The following RNF122 variants were observed in gnomAD, a reference collection of about 807,000 sequenced individuals.
RNF122 encodes the protein ring finger protein 122.
In RNF122, 17 loss-of-function variants were observed where a neutral mutation model predicts 24.2. That is an observed-to-expected ratio of 0.70 (90% CI 0.48 to 1.06). The LOEUF (loss-of-function observed/expected upper bound fraction) is 1.06, where lower values mean the gene tolerates loss of function less well. Among genes scored for constraint, RNF122 ranks in the 50% least tolerant of loss-of-function variants. RNF122 has a pLI of 0.00. For missense variants in RNF122, 168 were observed against 198.1 expected (o/e 0.85, Z 0.91); for synonymous variants, 65 against 71.8 (o/e 0.91, Z 0.48).
intron 2 of RNF122, among the ~76,000 whole-genome samples, chr8:33,553,266 AGAGGCTAAGAGTGGTT>A (rs1810403382): frequency 6.6e-6 from 1 of 152,086 alleles, no homozygotes; most frequent in South Asian, 2.1e-4. Flanking sequence ...TGCAGGGTCT[AGAGGCTAAGAGTGGTT>A]TTTATTCTTA....
chr8:33,564,770 G>A (rs751041542), intron 1 of RNF122, among the ~76,000 whole-genome samples: 24 of 152,180 alleles, frequency 1.6e-4, no homozygotes, highest in Non-Finnish European at 3.4e-4. Context: ...TACTCGGGAA[G>A]CTGAGGCAGG....
At chr8:33,555,333 G>C (rs1392975551) in intron 2 of RNF122, among the ~76,000 whole-genome samples, 1 of 152,060 alleles carries the variant, frequency 6.6e-6, no homozygotes, top group Admixed American at 6.6e-5. Context: ...CTCCCAAGTA[G>C]CTGGGATTAC....
rs1041509707 is a variant in RNF122 at position 33,567,099 on chromosome 8, A to G, written c.-376T>C. 6.6e-6 allele frequency: 2 copies of G among 305,078 alleles called. No homozygotes were observed. The highest frequency in any genetic ancestry group is 2.9e-5 in the South Asian group (1 of 34,938). The allele number at this position is 305,078 out of a possible 1,614,324, so 18.9% of individuals were successfully genotyped here. On this transcript the variant is annotated 5_prime_UTR_variant, in exon 1 of 6. Transcript: ENST00000256257. ...GCTCGGATCGGGTTCAGCGGCGCAG[A>G]GGTGAGCTGGCTGGGGTTCCGAAAC...
In RNF122 at chr8:33,548,164, T is replaced by C. The variant is rs1274355365; in HGVS notation, c.*589A>G. 1 of 152,294 alleles carries C rather than the reference T, an allele frequency of 6.6e-6. No individual in the cohort carries two copies. Among genetic ancestry groups the C allele is most frequent in the Non-Finnish European group, 1.5e-5 (1 of 68,010 alleles). The allele number at this position is 152,294 out of a possible 1,614,324, so 9.4% of individuals were successfully genotyped here. ...GGAAGGGCCCTCTCTTACTCTGGAG[T>C]CAGCTGGCGCCCGCCAGCCTTTGTT... On this transcript the variant is annotated 3_prime_UTR_variant, in exon 6 of 6. Coordinates refer to ENST00000256257, the MANE Select transcript of RNF122 (RefSeq NM_024787.3).
At chr8:33,564,234 C>T (rs188229248) in intron 1 of RNF122, among the ~76,000 whole-genome samples, 187 of 152,230 alleles carry the variant, frequency 1.2e-3, no homozygotes, top group African/African-American at 4.3e-3. Context: ...AGGACAGGAT[C>T]TCTCAGTCAC....
In RNF122 at chr8:33,548,865, C is replaced by T. The variant is rs574382545; in HGVS notation, c.356G>A (p.Cys119Tyr). ...LPCQHAFHRK[C>Y]LVKWLEVRCV... ...GCGAACTTCCAGCCATTTCACCAGACACCTGAGAACAAATGAGGAATGGTA... is the reference window on the plus strand; with the variant it reads ...GCGAACTTCCAGCCATTTCACCAGATACCTGAGAACAAATGAGGAATGGTA... The change falls in exon 6 of 6, where the codon TGT (cysteine) becomes TAT (tyrosine). Residue 119 changes from cysteine (C) to tyrosine (Y), a missense_variant and splice_region_variant. By Grantham distance (194) the Cys-to-Tyr change is radical (BLOSUM62 -2). Coordinates refer to ENST00000256257, the MANE Select transcript of RNF122 (RefSeq NM_024787.3). 6.2e-7 allele frequency: 1 copy of T among 1,607,336 alleles called. No individual in the cohort carries two copies. The highest frequency in any genetic ancestry group is 8.5e-7 in the Non-Finnish European group (1 of 1,173,884).
chr8:33,553,646 A>T (rs1252170484), intron 2 of RNF122, among the ~76,000 whole-genome samples: 2 of 152,226 alleles, frequency 1.3e-5, no homozygotes, highest in African/African-American at 4.8e-5. Context: ...CCAAGTCAAT[A>T]AAAGGAAGGC....
rs1810317928 is a variant in RNF122 at position 33,548,294 on chromosome 8, T to TTTCC, written c.*455_*458dup. 1 of 153,026 alleles carries TTTCC rather than the reference T, an allele frequency of 6.5e-6. No individual in the cohort carries two copies. Among genetic ancestry groups the TTTCC allele is most frequent in the South Asian group, 2.1e-4 (1 of 4,836 alleles). The allele number at this position is 153,026 out of a possible 1,614,324, so 9.5% of individuals were successfully genotyped here. On this transcript the variant is annotated 3_prime_UTR_variant, in exon 6 of 6. Transcript: ENST00000256257. ...CGTGGAGGCGCTTGGTTCCTTGATC[T>TTTCC]TTCCTTCCTTCCCTTCTAACCTTAC...
rs1316621739 is a variant in RNF122, at chr8:33,551,373, C to T, written c.199G>A (p.Ala67Thr). Reference sequence around the variant, plus strand: ...TTATATCCGTATCGCTCACTCTGTGCCTGGTTCCGCAGTTTGCTGGGAGAA... The same window carrying T: ...TTATATCCGTATCGCTCACTCTGTGTCTGGTTCCGCAGTTTGCTGGGAGAA... ...CYFISKLRNQ[A>T]QSERYGYKEV... Residue 67 changes from alanine (A) to threonine (T), a missense_variant, in exon 3 of 6, where the codon GCA becomes ACA. Coordinates refer to ENST00000256257, the MANE Select transcript of RNF122 (RefSeq NM_024787.3). 1.9e-6 allele frequency: 3 copies of T among 1,613,990 alleles called. No homozygotes were observed. Among genetic ancestry groups the T allele is most frequent in the African/African-American group, 2.7e-5 (2 of 74,932 alleles).
chr8:33,566,666 C>A, intron 1 of RNF122, 33 bp downstream of exon 1: 1 of 1,590,460 alleles, frequency 6.3e-7, no homozygotes, highest in Non-Finnish European at 8.5e-7. Flanking sequence ...CCACCAGCCC[C>A]ACGTAGGCTC....
chr8:33,551,016 C>G, intron 4 of RNF122, 28 bp downstream of exon 4: 1 of 1,612,758 alleles, frequency 6.2e-7, no homozygotes, highest in Non-Finnish European at 8.5e-7. Context: ...TGCTGGGGCC[C>G]TCCTGCACAC....
Position 33,548,768 on chromosome 8 carries a change from C to T in RNF122, c.453G>A (p.Leu151=). 1.2e-6 allele frequency: 2 copies of T among 1,612,180 alleles called. No individual in the cohort carries two copies. The highest frequency in any genetic ancestry group is 1.7e-5 in the Admixed American group (1 of 59,972). ...GCGGCAGCACTCACACCAGCTCATCCAATAGAATCCCAATGTTCTGCGTGG... is the reference window on the plus strand; with the variant it reads ...GCGGCAGCACTCACACCAGCTCATCTAATAGAATCCCAATGTTCTGCGTGG... ...SEATQNIGIL[L]DELV Residue 151 remains leucine, a synonymous_variant, in exon 6 of 6, where the codon TTG becomes TTA. Transcript: ENST00000256257.
At chr8:33,553,982 G>A (rs1810414187) in intron 2 of RNF122, among the ~76,000 whole-genome samples, 1 of 152,222 alleles carries the variant, frequency 6.6e-6, no homozygotes, top group African/African-American at 2.4e-5. Context: ...TGGGCTAAAG[G>A]CCTAACCAAG....
At chr8:33,563,182 T>C (rs1810567347) in intron 1 of RNF122, among the ~76,000 whole-genome samples, 1 of 151,884 alleles carries the variant, frequency 6.6e-6, no homozygotes, top group South Asian at 2.1e-4. Context: ...TTGTATATTC[T>C]CCAGTGTCCG....
chr8:33,558,798 T>C (rs375384303), intron 1 of RNF122, 27 bp from the exon 2 acceptor site: 489 of 1,520,416 alleles, frequency 3.2e-4, no homozygotes, highest in Non-Finnish European at 4.2e-4. Context: ...AAAAAAATCA[T>C]TAGGGTTGGA....
chr8:33,553,369 G>T (rs932355367), intron 2 of RNF122, among the ~76,000 whole-genome samples: 4 of 152,092 alleles, frequency 2.6e-5, no homozygotes, highest in African/African-American at 7.2e-5. Flanking sequence ...GACCAGCCTG[G>T]GTGACACAGT....
At chr8:33,553,983 C>A (rs1810414220) in intron 2 of RNF122, among the ~76,000 whole-genome samples, 1 of 152,252 alleles carries the variant, frequency 6.6e-6, no homozygotes, top group African/African-American at 2.4e-5. Flanking sequence ...GGGCTAAAGG[C>A]CTAACCAAGG....
Position 33,548,793 on chromosome 8 carries a change from G to C in RNF122, c.428C>G (p.Ala143Gly), listed in dbSNP as rs769741086. Residue 143 changes from alanine to glycine, a missense_variant, in exon 6 of 6, where the codon GCC becomes GGC. Ala to Gly is a moderately conservative substitution (Grantham distance 60, BLOSUM62 0). Coordinates refer to ENST00000256257, the MANE Select transcript of RNF122 (RefSeq NM_024787.3). ...CNKPIASPSE[A>G]TQNIGILLDE... Reference sequence around the variant, plus strand: ...CAATAGAATCCCAATGTTCTGCGTGGCCTCTGAGGGACTAGCAATGGGCTT... The same window carrying C: ...CAATAGAATCCCAATGTTCTGCGTGCCCTCTGAGGGACTAGCAATGGGCTT... 6 of 1,613,882 alleles carry C rather than the reference G, an allele frequency of 3.7e-6. No homozygotes were observed. Among genetic ancestry groups the C allele is most frequent in the Non-Finnish European group, 5.1e-6 (6 of 1,179,872 alleles).
rs1246809757 is a variant in RNF122 at position 33,564,261 on chromosome 8, A to G, written c.25+2438T>C. On this transcript the variant is annotated intron_variant, in intron 1 of 5. Transcript: ENST00000256257. ...CTCAGTCACTTTTCTAAGAAGTGCA[A>G]AGAGGGCCAGACAAGGTGGCTCCTG... is the stretch of plus-strand genomic sequence containing the variant. Among the ~76,000 whole-genome samples the G allele has an allele frequency of 1.3e-5, 2 of 152,286 alleles. 1 individual carries two copies. The highest frequency in any genetic ancestry group is 4.1e-4 in the South Asian group (2 of 4,826).
Sources: gnomAD v4.1 joint callset for allele counts (sites outside exome capture counted in the v4.1 genomes callset) on GRCh38, gnomAD v4.1.1 for gene constraint, MANE v1.5 for transcripts, NCBI Gene and HGNC (gene_info 2026-07-23, HGNC 2026-07-21) for gene names.